Variants in CLPTM1L observed in about 807,000 individuals in gnomAD.
CLPTM1L encodes lipid scramblase CLPTM1L.
CLPTM1L carries 38 observed loss-of-function variants against 70.9 expected under a neutral mutation model. That is an observed-to-expected ratio of 0.54 (90% CI 0.41 to 0.70). The LOEUF (loss-of-function observed/expected upper bound fraction) is 0.70, where lower values mean the gene tolerates loss of function less well. Among genes scored for constraint, CLPTM1L ranks in the 30% least tolerant of loss-of-function variants. The probability of loss-of-function intolerance (pLI) is 0.00; values close to 1 mark genes in which losing one functional copy is unlikely to be tolerated. For synonymous variants in CLPTM1L, 339 were observed against 299.9 expected (o/e 1.13, Z -1.35); for missense variants, 652 against 705.9 (o/e 0.92, Z 0.87).
Position 1,317,986 on chromosome 5 carries a change from T to C in CLPTM1L, c.*383A>G. 1 of 212,624 alleles carries C rather than the reference T, an allele frequency of 4.7e-6. No individual in the cohort carries two copies. Among genetic ancestry groups the C allele is most frequent in the Non-Finnish European group, 9.2e-6 (1 of 108,212 alleles). 13.2% of individuals were successfully genotyped at this position (212,624 alleles called of 1,614,324 possible). A position where few individuals can be genotyped will look rare whatever the true frequency, so the allele number is the denominator to read the frequency against. On this transcript the variant is annotated 3_prime_UTR_variant, in exon 17 of 17. Transcript: ENST00000320895. Reference sequence around the variant, plus strand: ...CAGAGTCCATGCGGAATGAATTCCATACGTGTTTGAAATTCACATAAGGAG... The same window carrying C: ...CAGAGTCCATGCGGAATGAATTCCACACGTGTTTGAAATTCACATAAGGAG...
At position 1,323,718 on chromosome 5, in the gene CLPTM1L, C is replaced by T. The variant is rs576070650; in HGVS notation, c.1280+69G>A. On this transcript the variant is annotated intron_variant, in intron 12 of 16. Coordinates refer to ENST00000320895, the MANE Select transcript of CLPTM1L (RefSeq NM_030782.5). Reference sequence around the variant, plus strand: ...GTTTGCCCTCCAGTCGCACCCCGCTCTGGCTCAGTCATCCAAATGGCTTTC... The same window carrying T: ...GTTTGCCCTCCAGTCGCACCCCGCTTTGGCTCAGTCATCCAAATGGCTTTC... The T allele has an allele frequency of 5.0e-6, 7 of 1,401,010 alleles. No homozygotes were observed. The East Asian group carries it at 1.4e-4, about 28-fold the overall frequency. The allele number at this position is 1,401,010 out of a possible 1,614,324, so 86.8% of individuals were successfully genotyped here. A position where few individuals can be genotyped will look rare whatever the true frequency, so the allele number is the denominator to read the frequency against.
rs760599778 is a variant in CLPTM1L, at chr5:1,338,947, C to T, written c.512G>A (p.Arg171Gln). 5.0e-6 allele frequency: 8 copies of T among 1,613,382 alleles called. No homozygotes were observed. Among genetic ancestry groups the T allele is most frequent in the South Asian group, 2.2e-5 (2 of 91,092 alleles). The change falls in exon 4 of 17, where the codon CGA becomes CAA. Residue 171 changes from arginine (R) to glutamine (Q), a missense_variant. By Grantham distance (43) the Arg-to-Gln change is conservative. Transcript: ENST00000320895. ...SALDEPVSHWRPRLALNVMAD... is the reference protein window; with the variant it reads ...SALDEPVSHWQPRLALNVMAD... Reference sequence around the variant, plus strand: ...CATCACGTTCAGCGCCAGCCGCGGTCGCCAGTGGGACACTGGCTCATCCAG... The same window carrying T: ...CATCACGTTCAGCGCCAGCCGCGGTTGCCAGTGGGACACTGGCTCATCCAG...
In CLPTM1L at chr5:1,318,550, T is replaced by TG; in HGVS notation, c.1533-98dup. On this transcript the variant is annotated intron_variant, in intron 16 of 16. Coordinates refer to ENST00000320895, the MANE Select transcript of CLPTM1L (RefSeq NM_030782.5). The surrounding 1 kb of genome is among the most constrained non-coding windows in gnomAD (Gnocchi z 8.9). ...ATCCTCGATTTATTTTCCAGTGAGCTGCCACAGTGAGCAAATTAACTAAAA... is the reference window on the plus strand; with the variant it reads ...ATCCTCGATTTATTTTCCAGTGAGCTGGCCACAGTGAGCAAATTAACTAAAA... 1.0e-6 allele frequency: 1 copy of TG among 969,214 alleles called. No homozygotes were observed. Among genetic ancestry groups the TG allele is most frequent in the Admixed American group, 2.1e-5 (1 of 47,874 alleles). 60.0% of individuals were successfully genotyped at this position (969,214 alleles called of 1,614,324 possible). A position where few individuals can be genotyped will look rare whatever the true frequency, so the allele number is the denominator to read the frequency against.
chr5:1,321,859 C>T (rs767768419), intron 13 of CLPTM1L, 40 bp from the exon 14 acceptor site: 44 of 1,584,510 alleles, frequency 2.8e-5, no homozygotes, highest in South Asian at 2.2e-4. Flanking sequence ...TGCGGAGGGC[C>T]GGGCTGCCAC....
rs768999160 is a variant in CLPTM1L, at chr5:1,334,358, C to T, written c.822G>A (p.Glu274=). 13 of 1,611,748 alleles carry T rather than the reference C, an allele frequency of 8.1e-6. No individual in the cohort carries two copies. In the South Asian group the frequency reaches 8.8e-5, roughly 11 times the overall value. Residue 274 remains glutamate (E), a synonymous_variant, in exon 7 of 17, where the codon GAG becomes GAA. Transcript: ENST00000320895. ...QFGFSEKDAD[E]VKGIFVDTNL... ...TGGTATCTACAAAAATTCCTTTCAC[C>T]TCATCAGCATCTTTCTCTGAAAACC...
chr5:1,343,298 T>C (rs955198109), intron 2 of CLPTM1L, among the ~76,000 whole-genome samples: 2 of 152,100 alleles, frequency 1.3e-5, no homozygotes, highest in African/African-American at 4.8e-5. Flanking sequence ...ATCTTAAGTG[T>C]CTCTCTTCAG....
intron 2 of CLPTM1L, among the ~76,000 whole-genome samples, chr5:1,343,368 G>C (rs1754068981): frequency 6.6e-6 from 1 of 152,190 alleles, no homozygotes; most frequent in African/African-American, 2.4e-5. Flanking sequence ...ACTTGAGGCG[G>C]AGCTGTGTTA....
At chr5:1,327,234 C>A (rs1414577705) in intron 9 of CLPTM1L, among the ~76,000 whole-genome samples, 1 of 149,998 alleles carries the variant, frequency 6.7e-6, no homozygotes, top group Non-Finnish European at 1.5e-5. Context: ...CACATTTCAT[C>A]CAGCTCCTCC....
chr5:1,335,428 G>C (rs1382846842), intron 5 of CLPTM1L, among the ~76,000 whole-genome samples: 1 of 152,204 alleles, frequency 6.6e-6, no homozygotes, highest in African/African-American at 2.4e-5. Flanking sequence ...AGCAGTGCCT[G>C]GTCTGTTTTG....
rs116603840 is a variant in CLPTM1L at position 1,338,547 on chromosome 5, C to T, written c.599+313G>A. On this transcript the variant is annotated intron_variant, in intron 4 of 16. Transcript: ENST00000320895. The stretch of plus-strand genomic sequence containing the variant: ...TAACTTTTAAGTAAATCTAAATAAG[C>T]CAAGTTAAAAAATCACAAGGGGAGC... Among the ~76,000 whole-genome samples the T allele has an allele frequency of 8.9e-3, 1,352 of 152,334 alleles. 24 individuals carry two copies. The highest frequency in any genetic ancestry group is 0.031 in the African/African-American group (1,290 of 41,570).
chr5:1,331,733 T>C, intron 8 of CLPTM1L, 66 bp downstream of exon 8: 1 of 1,387,510 alleles, frequency 7.2e-7, no homozygotes, highest in Non-Finnish European at 1.0e-6. Flanking sequence ...GGCAGCCCTC[T>C]ACCGCAGGCT....
At position 1,342,286 on chromosome 5, in the gene CLPTM1L, C is replaced by A. The variant is rs561199529; in HGVS notation, c.264-426G>T. Among the ~76,000 whole-genome samples the A allele has an allele frequency of 6.6e-6, 1 of 152,302 alleles. No homozygotes were observed. The highest frequency in any genetic ancestry group is 2.4e-5 in the African/African-American group (1 of 41,552). ...AAGGGAAGGGCAGCAGCCACGAGGG[C>A]TCCAGGTGCCTCGGCCCACACTACT... On this transcript the variant is annotated intron_variant, in intron 2 of 16. Coordinates refer to ENST00000320895, the MANE Select transcript of CLPTM1L (RefSeq NM_030782.5). The surrounding 1 kb of genome is among the most constrained non-coding windows in gnomAD (Gnocchi z 4.3).
chr5:1,333,746 G>GA, intron 7 of CLPTM1L, among the ~76,000 whole-genome samples: 1 of 151,526 alleles, frequency 6.6e-6, no homozygotes, highest in Non-Finnish European at 1.5e-5. Flanking sequence ...AGGATAAGGG[G>GA]GGACTACTGT....
rs185924768 is a variant in CLPTM1L, at chr5:1,342,019, T to C, written c.264-159A>G. On this transcript the variant is annotated intron_variant, in intron 2 of 16. Transcript: ENST00000320895. The surrounding 1 kb of genome is among the most constrained non-coding windows in gnomAD (Gnocchi z 4.3). The stretch of plus-strand genomic sequence containing the variant: ...CAGGGCTTTACGAGTCGTGTGTGTG[T>C]GTGTGTGTGTGTGTGTGTGTGCACG... Among the ~76,000 whole-genome samples, 304 of 127,644 alleles carry C rather than the reference T, an allele frequency of 2.4e-3. 1 individual carries two copies. The highest frequency in any genetic ancestry group is 1.0e-2 in the African/African-American group (294 of 29,420). 83.7% of individuals were successfully genotyped at this position (127,644 alleles called of 152,430 possible).
At chr5:1,340,898 T>C (rs923705492) in intron 3 of CLPTM1L, among the ~76,000 whole-genome samples, 2 of 152,212 alleles carry the variant, frequency 1.3e-5, no homozygotes, top group Non-Finnish European at 2.9e-5. Flanking sequence ...CCTGAGTAGC[T>C]GGGATTACAG....
In CLPTM1L at chr5:1,334,705, G is replaced by A. The variant is rs559154498; in HGVS notation, c.797-322C>T. ...GGGGGCGGAGGCTGCAGTAACCAGA[G>A]ATTGTGCCACTGCACTCCAGCCTGG... On this transcript the variant is annotated intron_variant, in intron 6 of 16. Transcript: ENST00000320895. Among the ~76,000 whole-genome samples, 73 of 152,320 alleles carry A rather than the reference G, an allele frequency of 4.8e-4. 1 individual carries two copies. In the South Asian group the frequency reaches 0.015, roughly 30 times the overall value.
At chr5:1,326,446 A>G in intron 9 of CLPTM1L, 1 of 233,238 alleles carries the variant, frequency 4.3e-6, no homozygotes, top group Non-Finnish European at 8.2e-6. Context: ...GACACATTTC[A>G]TTTCATCCAG....
At chr5:1,329,083 T>A (rs1217503164) in intron 9 of CLPTM1L, among the ~76,000 whole-genome samples, 1 of 152,268 alleles carries the variant, frequency 6.6e-6, no homozygotes, top group African/African-American at 2.4e-5. Context: ...GACCTCAGAC[T>A]CCGGCTCCTG....
At chr5:1,322,832 C>T (rs1192128033) in intron 13 of CLPTM1L, 45 bp downstream of exon 13, 14 of 1,600,468 alleles carry the variant, frequency 8.7e-6, no homozygotes, top group Non-Finnish European at 8.6e-6. Flanking sequence ...AAATCGCTGC[C>T]TGCTGGAAAC....
Sources: gnomAD v4.1 joint callset for allele counts (sites outside exome capture counted in the v4.1 genomes callset) on GRCh38, gnomAD v4.1.1 for gene constraint, Gnocchi (gnomAD v3.1) non-coding constraint, MANE v1.5 for transcripts, NCBI Gene and HGNC (gene_info 2026-07-23, HGNC 2026-07-21) for gene names.